Variants in SCAI observed in about 807,000 individuals in gnomAD.
SCAI encodes the protein protein SCAI.
In SCAI, 24 loss-of-function variants were observed where a neutral mutation model predicts 92.2. The observed-to-expected ratio is 0.26, with a 90% CI of 0.19 to 0.37. The LOEUF is 0.37. SCAI is among the 10% of genes least tolerant of loss of function. SCAI has a pLI of 1.00. For synonymous variants in SCAI, 261 were observed against 258.6 expected (o/e 1.01, Z -0.09); for missense variants, 450 against 736.2 (o/e 0.61, Z 4.50).
chr9:125,070,523 C>T (rs546711475), intron 2 of SCAI, among the ~76,000 whole-genome samples: 3 of 151,548 alleles, frequency 2.0e-5, no homozygotes, highest in South Asian at 4.2e-4. Context: ...CCTCAGCCTC[C>T]GAGTAGCTGG....
intron 2 of SCAI, among the ~76,000 whole-genome samples, chr9:125,101,119 T>C (rs949555037): frequency 3.3e-5 from 5 of 151,868 alleles, no homozygotes; most frequent in African/African-American, 7.3e-5. Context: ...CACAGATTGA[T>C]GAGGAGGGGA....
chr9:124,957,529 A>ATT lies in SCAI; in HGVS notation c.1675-4578_1675-4577dup, dbSNP rs34588772. The stretch of plus-strand genomic sequence containing the variant: ...AGGCATACGCCACCACACCCGGCTA[A>ATT]TTTTTTTTTTTTTTGTATTTTTAGT... On this transcript the variant is annotated intron_variant, in intron 17 of 17. Coordinates refer to ENST00000336505, the MANE Select transcript of SCAI (RefSeq NM_001144877.3). 1.7e-3 allele frequency among the ~76,000 whole-genome samples: 231 copies of ATT among 138,414 alleles called. 1 individual carries two copies. The highest frequency in any genetic ancestry group is 2.2e-3 in the African/African-American group (81 of 37,180). The allele number at this position is 138,414 out of a possible 152,430, so 90.8% of individuals were successfully genotyped here. A position where few individuals can be genotyped will look rare whatever the true frequency, so the allele number is the denominator to read the frequency against.
At chr9:124,979,535 A>G (rs1564364737) in intron 14 of SCAI, among the ~76,000 whole-genome samples, 1 of 152,020 alleles carries the variant, frequency 6.6e-6, no homozygotes. Context: ...TGAAGACTCC[A>G]TCTCAAAAAA....
intron 3 of SCAI, among the ~76,000 whole-genome samples, chr9:125,044,460 ACAGGTCTCCT>A (rs1350138295): frequency 6.6e-6 from 1 of 151,900 alleles, no homozygotes; most frequent in Non-Finnish European, 1.5e-5. Flanking sequence ...AGCAACTACT[ACAGGTCTCCT>A]CTCTGCTAAG....
chr9:125,084,964 G>A (rs1355302541), intron 2 of SCAI, among the ~76,000 whole-genome samples: 6 of 152,230 alleles, frequency 3.9e-5, no homozygotes, highest in African/African-American at 1.2e-4. Context: ...CCAAAGTCAC[G>A]CAGCTTACAG....
chr9:124,991,384 G>A (rs1385557770), intron 14 of SCAI, among the ~76,000 whole-genome samples: 11 of 134,224 alleles, frequency 8.2e-5, no homozygotes, highest in East Asian at 2.3e-4. Context: ...AAAAATTAAC[G>A]AGTAATATTT....
intron 14 of SCAI, among the ~76,000 whole-genome samples, chr9:124,981,334 AC>A (rs1831881381): frequency 6.6e-6 from 1 of 152,156 alleles, no homozygotes; most frequent in Non-Finnish European, 1.5e-5. Context: ...TCCAATATTT[AC>A]TGTTTTGTGT....
At chr9:124,979,632 T>G (rs1273554396) in intron 14 of SCAI, among the ~76,000 whole-genome samples, 1 of 152,212 alleles carries the variant, frequency 6.6e-6, no homozygotes, top group Non-Finnish European at 1.5e-5. Flanking sequence ...GTAACAGTGA[T>G]TATCTATAGG....
At chr9:125,135,008 T>C (rs1190382335) in intron 2 of SCAI, among the ~76,000 whole-genome samples, 4 of 152,154 alleles carry the variant, frequency 2.6e-5, no homozygotes, top group African/African-American at 7.2e-5. Flanking sequence ...TTTCAGTCCA[T>C]TGCAGTTTTT....
chr9:124,968,673 C>A, intron 17 of SCAI: 1 of 1,305,138 alleles, frequency 7.7e-7, no homozygotes, highest in South Asian at 1.2e-5. Flanking sequence ...GCCTGGGTGG[C>A]CCAAAGTTCC....
At chr9:124,982,961 T>C (rs1396421664) in intron 14 of SCAI, among the ~76,000 whole-genome samples, 2 of 152,110 alleles carry the variant, frequency 1.3e-5, no homozygotes, top group Non-Finnish European at 2.9e-5. Flanking sequence ...AAGATCAGCC[T>C]GGAGAACATA....
intron 2 of SCAI, among the ~76,000 whole-genome samples, chr9:125,122,627 C>A (rs1402333499): frequency 7.1e-6 from 1 of 141,790 alleles, no homozygotes; most frequent in Non-Finnish European, 1.5e-5. Context: ...TGGTTGTGCA[C>A]TGTGCAGTGG....
At chr9:125,050,152 A>G (rs1296873142) in intron 3 of SCAI, among the ~76,000 whole-genome samples, 1 of 152,146 alleles carries the variant, frequency 6.6e-6, no homozygotes, top group African/African-American at 2.4e-5. Flanking sequence ...AACTGACACT[A>G]TTCCAGCTGG....
chr9:125,047,601 A>G (rs770732018), intron 3 of SCAI, among the ~76,000 whole-genome samples: 1 of 152,222 alleles, frequency 6.6e-6, no homozygotes, highest in Non-Finnish European at 1.5e-5. Flanking sequence ...AGTGAAGAAG[A>G]CAACCCCAAA....
intron 9 of SCAI, among the ~76,000 whole-genome samples, chr9:125,017,011 G>A (rs1832773995): frequency 6.6e-6 from 1 of 152,040 alleles, no homozygotes; most frequent in African/African-American, 2.4e-5. Context: ...GAGAGTAAAA[G>A]GCAAGACAAG....
chr9:124,970,209 G>GA (rs1831630499), intron 17 of SCAI, among the ~76,000 whole-genome samples: 1 of 152,086 alleles, frequency 6.6e-6, no homozygotes, highest in African/African-American at 2.4e-5. Context: ...ATTATCAGAA[G>GA]AATAAGTGAT....
chr9:125,090,303 TAAG>T (rs895120041), intron 2 of SCAI, among the ~76,000 whole-genome samples: 5 of 151,556 alleles, frequency 3.3e-5, no homozygotes, highest in South Asian at 4.2e-4. Context: ...AGGAGGTAGA[TAAG>T]AAGAAGAGGA....
At chr9:125,059,985 T>C (rs1588186414) in intron 2 of SCAI, among the ~76,000 whole-genome samples, 1 of 152,214 alleles carries the variant, frequency 6.6e-6, no homozygotes, top group Non-Finnish European at 1.5e-5. Context: ...ACAACTTTTC[T>C]GTAAAACTTT....
At chr9:125,120,474 C>A (rs577260490) in intron 2 of SCAI, among the ~76,000 whole-genome samples, 1 of 152,258 alleles carries the variant, frequency 6.6e-6, no homozygotes, top group East Asian at 1.9e-4. Context: ...GGGTGAATCA[C>A]CTGAGGTCAG....
Sources: gnomAD v4.1 joint callset for allele counts (sites outside exome capture counted in the v4.1 genomes callset) on GRCh38, gnomAD v4.1.1 for gene constraint, MANE v1.5 for transcripts, NCBI Gene and HGNC (gene_info 2026-07-23, HGNC 2026-07-21) for gene names.